CFH: variants seen among roughly 807,000 people sequenced by gnomAD.
CFH encodes complement factor H, also known as H factor 1 (complement).
CFH carries 53 observed loss-of-function variants against 147.3 expected under a neutral mutation model. The ratio of observed to expected loss-of-function variants is 0.36; its 90% CI spans 0.29 to 0.45. The LOEUF (loss-of-function observed/expected upper bound fraction) is 0.45. CFH is among the 20% of genes least tolerant of loss of function. The probability of loss-of-function intolerance (pLI) is 1.00; values close to 1 mark genes in which losing one functional copy is unlikely to be tolerated. For synonymous variants in CFH, 536 were observed against 489.4 expected, an observed-to-expected ratio of 1.10 and a Z score of -1.26; for missense variants, 1,380 against 1,498.0, an observed-to-expected ratio of 0.92 and a Z score of 1.30.
intron 10 of CFH, among the ~76,000 whole-genome samples, chr1:196,714,635 G>GTGTATATATA (rs1392624278): frequency 1.0e-3 from 26 of 24,920 alleles, no homozygotes; most frequent in African/African-American, 3.7e-3. Flanking sequence ...ACGTATATAT[G>GTGTATATATA]TATATATATA....
Position 196,728,465 on chromosome 1 carries a change from G to A in CFH, c.2356G>A (p.Gly786Arg). 4 of 1,612,936 alleles carry A rather than the reference G, an allele frequency of 2.5e-6. No homozygotes were observed. In the East Asian group the frequency reaches 8.9e-5, roughly 36 times the overall value. Residue 786 changes from glycine to arginine, a missense_variant, in exon 15 of 22, where the codon GGA becomes AGA. Gly to Arg is a moderately radical substitution (Grantham distance 125, BLOSUM62 -2). Transcript: ENST00000367429. ...NIRYRCRGKE[G>R]WIHTVCINGR... ...AAGGTACAGATGTAGAGGAAAAGAA[G>A]GATGGATACACACAGTCTGCATAAA...
chr1:196,717,283 T>C lies in CFH; in HGVS notation c.1696+1514T>C, dbSNP rs148499898. Among the ~76,000 whole-genome samples the C allele has an allele frequency of 5.1e-3, 781 of 152,242 alleles. 7 individuals carry two copies. Among genetic ancestry groups the C allele is most frequent in the Admixed American group, 9.0e-3 (137 of 15,262 alleles). On this transcript the variant is annotated intron_variant, in intron 11 of 21. Transcript: ENST00000367429. ...TGTTGACTCTTTCTTGTTGGTAAAA[T>C]GTCACATATTTACAAACAGTTCTAA... is the stretch of plus-strand genomic sequence containing the variant.
intron 20 of CFH, 129 bp downstream of exon 20, chr1:196,743,757 A>G: frequency 7.5e-7 from 1 of 1,331,034 alleles, no homozygotes; most frequent in Non-Finnish European, 1.1e-6. Context: ...GATGGTGCTT[A>G]AAATTCAATT....
chr1:196,717,302 G>T (rs142797233), intron 11 of CFH, among the ~76,000 whole-genome samples: 21 of 152,168 alleles, frequency 1.4e-4, no homozygotes, highest in Non-Finnish European at 2.5e-4. Flanking sequence ...TTTACAAACA[G>T]TTCTAATATT....
At chr1:196,702,058 G>A (rs745341412) in intron 9 of CFH, among the ~76,000 whole-genome samples, 45 of 152,092 alleles carry the variant, frequency 3.0e-4, no homozygotes, top group Non-Finnish European at 5.0e-4. Context: ...GTAGAAAAAG[G>A]TAAAATCATG....
Position 196,690,199 on chromosome 1 carries a change from G to T in CFH, c.1296G>T (p.Met432Ile). The T allele has an allele frequency of 3.7e-6, 6 of 1,613,398 alleles. No homozygotes were observed. Among genetic ancestry groups the T allele is most frequent in the Non-Finnish European group, 5.1e-6 (6 of 1,179,632 alleles). The change falls in exon 9 of 22, where the codon ATG (methionine) becomes ATT (isoleucine). Residue 432 changes from methionine (M) to isoleucine (I), a missense_variant. Physicochemically the swap from Met to Ile is conservative, Grantham distance 10. Around this residue, in one of 4 missense-constraint regions of CFH, gnomAD observed 830 missense variants for 821.4 expected, o/e 1.01. Coordinates refer to ENST00000367429, the MANE Select transcript of CFH (RefSeq NM_000186.4). ...AAGCGCAGACCACAGTTACATGTAT[G>T]GAGAATGGCTGGTCTCCTACTCCCA... is the stretch of plus-strand genomic sequence containing the variant. ...LPKAQTTVTC[M>I]ENGWSPTPRC... is the part of the protein sequence containing the mutation.
chr1:196,722,497 T>C (rs928315231), intron 11 of CFH, among the ~76,000 whole-genome samples: 3 of 152,128 alleles, frequency 2.0e-5, no homozygotes, highest in Non-Finnish European at 4.4e-5. Context: ...ATTAGATGCT[T>C]TTCTCTTGCT....
chr1:196,714,545 C>T (rs1311970473), intron 10 of CFH, among the ~76,000 whole-genome samples: 6 of 147,040 alleles, frequency 4.1e-5, no homozygotes, highest in Non-Finnish European at 3.0e-5. Flanking sequence ...TGAAAATTTT[C>T]TGGGAACAAT....
chr1:196,715,963 C>T (rs1215923485), intron 11 of CFH, among the ~76,000 whole-genome samples, 194 bp downstream of exon 11: 1 of 152,034 alleles, frequency 6.6e-6, no homozygotes, highest in African/African-American at 2.4e-5. Context: ...ATTAATACTT[C>T]CTATGGGCCA....
chr1:196,721,203 G>A (rs575527831), intron 11 of CFH, among the ~76,000 whole-genome samples: 2 of 151,066 alleles, frequency 1.3e-5, no homozygotes, highest in East Asian at 2.0e-4. Context: ...CTGGATATTA[G>A]CCCTTTTTCA....
chr1:196,692,794 C>CTT (rs1204520886), intron 9 of CFH, among the ~76,000 whole-genome samples: 19 of 75,988 alleles, frequency 2.5e-4, no homozygotes, highest in East Asian at 6.7e-4. Context: ...TTCTTTCTTT[C>CTT]TTTCTTTCTT....
intron 8 of CFH, 54 bp from the exon 9 acceptor site, chr1:196,690,009 G>A: frequency 6.7e-7 from 1 of 1,502,966 alleles, no homozygotes; most frequent in Non-Finnish European, 9.1e-7. Context: ...ACTATTTTGA[G>A]CAAATTTATG....
intron 21 of CFH, among the ~76,000 whole-genome samples, chr1:196,746,474 T>C (rs556139246): frequency 6.6e-6 from 1 of 152,236 alleles, no homozygotes; most frequent in Admixed American, 6.5e-5. Context: ...AAAAAAGTAA[T>C]TTTTCTCTTT....
intron 4 of CFH, chr1:196,677,210 C>A: frequency 3.0e-6 from 1 of 335,820 alleles, no homozygotes; most frequent in African/African-American, 2.1e-5. Context: ...TTTAAAAATA[C>A]TAGTTTGTTA....
chr1:196,679,786 A>T lies in CFH; in HGVS notation c.783A>T (p.Ser261=). The change falls in exon 6 of 22, where the codon TCA becomes TCT. Residue 261 remains serine, a synonymous_variant. Transcript: ENST00000367429. ...AATCTGGATGGCGTCCGTTGCCTTC[A>T]TGTGAAGGTAATGTTACCTTTATTT... ...CTESGWRPLP[S]CEEKSCDNPY... The T allele has an allele frequency of 6.2e-7, 1 of 1,610,214 alleles. No individual in the cohort carries two copies. The highest frequency in any genetic ancestry group is 8.5e-7 in the Non-Finnish European group (1 of 1,177,540).
At chr1:196,723,209 A>G (rs1573062746) in intron 11 of CFH, among the ~76,000 whole-genome samples, 2 of 151,870 alleles carry the variant, frequency 1.3e-5, no homozygotes, top group African/African-American at 4.8e-5. Flanking sequence ...ATCCCTTCTT[A>G]TTTTTAAGTC....
chr1:196,723,747 G>A (rs1669058667), intron 11 of CFH, among the ~76,000 whole-genome samples: 1 of 152,038 alleles, frequency 6.6e-6, no homozygotes, highest in Non-Finnish European at 1.5e-5. Context: ...GCCCTGACAG[G>A]GGTGTCAGGG....
In CFH at chr1:196,694,721, T is replaced by C. The variant is rs572103829; in HGVS notation, c.1336+4482T>C. ...CTAACTGGCGTGAATTGGTTTCTCA[T>C]TGTGGTTTTGATTTGCATTTCTCTA... On this transcript the variant is annotated intron_variant, in intron 9 of 21. Coordinates refer to ENST00000367429, the MANE Select transcript of CFH (RefSeq NM_000186.4). Among the ~76,000 whole-genome samples the C allele has an allele frequency of 5.8e-3, 885 of 152,350 alleles. 9 individuals carry two copies. Among genetic ancestry groups the C allele is most frequent in the African/African-American group, 0.02 (836 of 41,580 alleles).
At chr1:196,682,014 C>T (rs1030669907) in intron 6 of CFH, among the ~76,000 whole-genome samples, 3 of 151,612 alleles carry the variant, frequency 2.0e-5, no homozygotes, top group Non-Finnish European at 4.4e-5. Flanking sequence ...GTGAAATAAT[C>T]TACTTAAATT....
Sources: allele counts gnomAD v4.1 joint callset (sites outside exome capture counted in the v4.1 genomes callset), GRCh38; gene constraint gnomAD v4.1.1; regional missense constraint gnomAD v4.1.1; transcripts MANE v1.5; gene names NCBI Gene and HGNC (gene_info 2026-07-23, HGNC 2026-07-21).